Variants in OR9Q1 observed in about 807,000 individuals in gnomAD.
OR9Q1 encodes the protein olfactory receptor 9Q1.
For synonymous variants in OR9Q1, 153 were observed against 148.6 expected, an observed-to-expected ratio of 1.03 and a Z score of -0.22; for missense variants, 374 against 378.8, an observed-to-expected ratio of 0.99 and a Z score of 0.11.
chr11:58,027,918 T>TA (rs1209984191), intron 1 of OR9Q1, among the ~76,000 whole-genome samples: 1 of 152,118 alleles, frequency 6.6e-6, no homozygotes, highest in Non-Finnish European at 1.5e-5. Context: ...CTGAAAGTAT[T>TA]AAAAAATAAT....
Position 58,124,434 on chromosome 11 carries a change from T to G in OR9Q1, c.-14-54997T>G, listed in dbSNP as rs572387872. 11 of 152,336 alleles carry G rather than the reference T, an allele frequency of 7.2e-5. No homozygotes were observed. In the South Asian group the frequency reaches 2.3e-3, roughly 32 times the overall value. 9.4% of individuals were successfully genotyped at this position (152,336 alleles called of 1,614,324 possible). ...AAGAGATGGTCCCTAACACTTGTAC[T>G]TACTTTAACTTGGGATGTTCTCCAT... On this transcript the variant is annotated intron_variant, in intron 2 of 2. Transcript: ENST00000335397.
At chr11:58,099,720 G>A (rs1328746091) in intron 2 of OR9Q1, among the ~76,000 whole-genome samples, 1 of 152,134 alleles carries the variant, frequency 6.6e-6, no homozygotes, top group Non-Finnish European at 1.5e-5. Flanking sequence ...AATTACTGAT[G>A]TGACCCAGTT....
intron 2 of OR9Q1, among the ~76,000 whole-genome samples, chr11:58,111,871 C>T (rs1228509018): frequency 6.7e-6 from 1 of 150,276 alleles, no homozygotes; most frequent in Non-Finnish European, 1.5e-5. Flanking sequence ...ATTATTTAGC[C>T]ACGAGTCCTT....
intron 2 of OR9Q1, among the ~76,000 whole-genome samples, chr11:58,101,091 CT>C (rs1853779326): frequency 1.3e-5 from 2 of 151,846 alleles, no homozygotes; most frequent in African/African-American, 4.8e-5. Flanking sequence ...TAATTAACTC[CT>C]AGTTTTTGAT....
chr11:58,113,667 C>T (rs1281862242), intron 2 of OR9Q1, among the ~76,000 whole-genome samples: 1 of 152,176 alleles, frequency 6.6e-6, no homozygotes, highest in Non-Finnish European at 1.5e-5. Flanking sequence ...TAATATAACT[C>T]TATGCCAACT....
At chr11:58,037,337 T>C (rs1476010919) in intron 1 of OR9Q1, among the ~76,000 whole-genome samples, 1 of 152,116 alleles carries the variant, frequency 6.6e-6, no homozygotes, top group African/African-American at 2.4e-5. Flanking sequence ...AAAATTTGTG[T>C]GAGAGCTTGC....
At chr11:58,117,366 C>A (rs1330067482) in intron 2 of OR9Q1, 1 of 152,100 alleles carries the variant, frequency 6.6e-6, no homozygotes. Context: ...GCTGTATACT[C>A]CGAGTACTCT....
chr11:58,129,535 T>C (rs930308980), intron 2 of OR9Q1, among the ~76,000 whole-genome samples: 1 of 146,280 alleles, frequency 6.8e-6, no homozygotes, highest in African/African-American at 2.7e-5. Flanking sequence ...ACCCCCAACC[T>C]CCCTCTGGTT....
At chr11:58,082,609 G>T (rs564856970) in intron 2 of OR9Q1, among the ~76,000 whole-genome samples, 723 of 64,890 alleles carry the variant, frequency 0.011, 2 homozygotes, top group Non-Finnish European at 0.017. Context: ...GGTGGGGGGA[G>T]GGGGGAGGGA....
chr11:58,088,521 G>GA (rs1204278089), intron 2 of OR9Q1, among the ~76,000 whole-genome samples: 3 of 151,902 alleles, frequency 2.0e-5, no homozygotes, highest in African/African-American at 7.3e-5. Context: ...ATTCTAACTG[G>GA]AATGAGATGG....
chr11:58,062,263 G>A (rs1158256250), intron 2 of OR9Q1, among the ~76,000 whole-genome samples: 1 of 152,200 alleles, frequency 6.6e-6, no homozygotes, highest in Non-Finnish European at 1.5e-5. Context: ...TGGCTCTGAA[G>A]TCAGACCTGC....
intron 2 of OR9Q1, among the ~76,000 whole-genome samples, chr11:58,076,161 A>T (rs1467264592): frequency 1.3e-5 from 2 of 152,186 alleles, no homozygotes; most frequent in Non-Finnish European, 2.9e-5. Context: ...CTTTAAACCT[A>T]ACTTTTAGTT....
intron 1 of OR9Q1, among the ~76,000 whole-genome samples, chr11:58,035,132 A>G (rs946966605): frequency 2.6e-5 from 4 of 152,136 alleles, no homozygotes; most frequent in African/African-American, 9.7e-5. Context: ...TCTTGATTAG[A>G]TGTAGCAGTC....
intron 2 of OR9Q1, chr11:58,077,426 C>T (rs1462667040): frequency 6.6e-6 from 1 of 152,166 alleles, no homozygotes; most frequent in Non-Finnish European, 1.5e-5. Flanking sequence ...GACTTTGGAT[C>T]AAAAGTTCTA....
chr11:58,101,835 C>T (rs551215503), intron 2 of OR9Q1, among the ~76,000 whole-genome samples: 1 of 152,298 alleles, frequency 6.6e-6, no homozygotes, highest in South Asian at 2.1e-4. Flanking sequence ...CAACTTCCGC[C>T]TCCCAGGTTC....
At chr11:58,176,446 CTT>C (rs1361832004) in intron 2 of OR9Q1, among the ~76,000 whole-genome samples, 1 of 152,178 alleles carries the variant, frequency 6.6e-6, no homozygotes, top group African/African-American at 2.4e-5. Flanking sequence ...GACCTCAGAG[CTT>C]TTGTAGCAAT....
At chr11:58,175,517 A>G (rs1854598291) in intron 2 of OR9Q1, among the ~76,000 whole-genome samples, 1 of 152,148 alleles carries the variant, frequency 6.6e-6, no homozygotes. Context: ...GTTTACTACT[A>G]TCCCCATAGT....
intron 2 of OR9Q1, among the ~76,000 whole-genome samples, chr11:58,154,077 GAGA>G (rs761983089): frequency 5.0e-4 from 75 of 151,308 alleles, no homozygotes; most frequent in South Asian, 8.4e-4. Context: ...GAGAGAGCGA[GAGA>G]AGAAGAAGAA....
rs1222037618 is a variant in OR9Q1, at chr11:58,180,131, T to C, written c.687T>C (p.Pro229=). Residue 229 remains proline, a synonymous_variant, in exon 3 of 3, where the codon CCT becomes CCC. Transcript: ENST00000335397. Reference sequence around the variant, plus strand: ...TCATCGTGGCCATCATGGGGATCCCTGCTGGAAGCCAGGCCAAGACCTTCT... The same window carrying C: ...TCATCGTGGCCATCATGGGGATCCCCGCTGGAAGCCAGGCCAAGACCTTCT... The part of the protein sequence containing the change: ...LFIIVAIMGI[P]AGSQAKTFST... 4 of 1,614,152 alleles carry C rather than the reference T, an allele frequency of 2.5e-6. No individual in the cohort carries two copies. The highest frequency in any genetic ancestry group is 3.4e-6 in the Non-Finnish European group (4 of 1,180,004).
Sources: allele counts gnomAD v4.1 joint callset (sites outside exome capture counted in the v4.1 genomes callset), GRCh38; gene constraint gnomAD v4.1.1; transcripts MANE v1.5; gene names NCBI Gene and HGNC (gene_info 2026-07-23, HGNC 2026-07-21).